ATP8B1: variants seen among roughly 807,000 people sequenced by gnomAD.
The protein encoded by ATP8B1 is ATPase phospholipid transporting 8B1.
In ATP8B1, 80 loss-of-function variants were observed where a neutral mutation model predicts 149.9. The ratio of observed to expected loss-of-function variants is 0.53; its 90% CI spans 0.45 to 0.64. The LOEUF (loss-of-function observed/expected upper bound fraction) is 0.64, where lower values mean the gene tolerates loss of function less well. Among genes scored for constraint, ATP8B1 ranks in the 30% least tolerant of loss-of-function variants. ATP8B1 has a pLI of 0.00. For synonymous variants in ATP8B1, 536 were observed against 562.8 expected, an observed-to-expected ratio of 0.95 and a Z score of 0.67; for missense variants, 1,247 against 1,552.6, an observed-to-expected ratio of 0.80 and a Z score of 3.31.
At chr18:57,703,173 C>T (rs1568203217) in intron 4 of ATP8B1, among the ~76,000 whole-genome samples, 1 of 152,154 alleles carries the variant, frequency 6.6e-6, no homozygotes, top group African/African-American at 2.4e-5. Flanking sequence ...CTCCACGCAT[C>T]CTCCATCCCC....
intron 1 of ATP8B1, among the ~76,000 whole-genome samples, chr18:57,741,641 C>T (rs1166487727): frequency 2.0e-5 from 3 of 152,172 alleles, no homozygotes; most frequent in South Asian, 4.1e-4. Flanking sequence ...ATAATAAATG[C>T]GTGTTGGTTT....
At position 57,706,499 on chromosome 18, in the gene ATP8B1, A is replaced by G. The variant is rs201291812; in HGVS notation, c.270T>C (p.Ser90=). The change falls in exon 3 of 28, where the codon AGT becomes AGC. Residue 90 remains serine (S), a synonymous_variant. Transcript: ENST00000648908. ...MNTKFLCIKE[S]KYANNAIKTY... is the part of the protein sequence containing the mutation. ...AAAGTTAACAACTCACCGCATATTT[A>G]CTCTCCTTAATACACAAGAATTTTG... The G allele has an allele frequency of 6.2e-6, 10 of 1,612,852 alleles. No individual in the cohort carries two copies. The highest frequency in any genetic ancestry group is 7.6e-6 in the Non-Finnish European group (9 of 1,179,184).
At chr18:57,677,558 TTCC>T (rs1911673658) in intron 15 of ATP8B1, among the ~76,000 whole-genome samples, 1 of 152,150 alleles carries the variant, frequency 6.6e-6, no homozygotes, top group Non-Finnish European at 1.5e-5. Context: ...CACACCTTCC[TTCC>T]TTCCTTCACA....
chr18:57,738,969 G>A (rs1324498616), intron 1 of ATP8B1, among the ~76,000 whole-genome samples: 1 of 151,950 alleles, frequency 6.6e-6, no homozygotes, highest in Non-Finnish European at 1.5e-5. Context: ...CATCAGATGG[G>A]GCCCTAATCC....
At chr18:57,738,169 A>C (rs755244711) in intron 1 of ATP8B1, 2 of 152,260 alleles carry the variant, frequency 1.3e-5, no homozygotes, top group Non-Finnish European at 2.9e-5. Context: ...TGGAAACTTC[A>C]TAATGTCTCT....
intron 23 of ATP8B1, among the ~76,000 whole-genome samples, chr18:57,654,599 G>A (rs1157136957): frequency 6.6e-6 from 1 of 152,048 alleles, no homozygotes; most frequent in Non-Finnish European, 1.5e-5. Context: ...GATTATAGGC[G>A]TGAGCCACTG....
chr18:57,771,881 A>G (rs573750151), intron 1 of ATP8B1, among the ~76,000 whole-genome samples: 61 of 152,314 alleles, frequency 4.0e-4, no homozygotes, highest in Non-Finnish European at 8.1e-4. Flanking sequence ...GGAAAAAACC[A>G]GTTAGCTCTG....
intron 1 of ATP8B1, among the ~76,000 whole-genome samples, chr18:57,778,216 CTTTTTCTTTTTCTTTT>C (rs964847625): frequency 7.7e-6 from 1 of 129,350 alleles, no homozygotes; most frequent in Non-Finnish European, 1.6e-5. Context: ...ATCTCAGTTT[CTTTTTCTTTTTCTTTT>C]TTTTTTTTTT....
At chr18:57,788,042 A>G (rs1264890308) in intron 1 of ATP8B1, among the ~76,000 whole-genome samples, 1 of 152,120 alleles carries the variant, frequency 6.6e-6, no homozygotes, top group African/African-American at 2.4e-5. Context: ...AAAACAAGAC[A>G]AACTGAATAC....
chr18:57,758,623 G>C (rs1476839262), intron 1 of ATP8B1, among the ~76,000 whole-genome samples: 1 of 143,718 alleles, frequency 7.0e-6, no homozygotes, highest in Non-Finnish European at 1.5e-5. Flanking sequence ...ACTCCAGCCT[G>C]GGCAACAAGA....
intron 16 of ATP8B1, 135 bp from the exon 17 acceptor site, chr18:57,671,715 C>G (rs180847583): frequency 3.7e-4 from 244 of 659,918 alleles, no homozygotes; most frequent in African/African-American, 3.7e-3. Context: ...CTCGACCCCC[C>G]AGGCTCAAGC....
At position 57,692,082 on chromosome 18, in the gene ATP8B1, A is replaced by G. The variant is rs11873034; in HGVS notation, c.1030-85T>C. The G allele has an allele frequency of 0.091, 139,762 of 1,541,050 alleles. 7,121 individuals are homozygous for G. The highest frequency in any genetic ancestry group is 0.13 in the Middle Eastern group (738 of 5,874). ...CCTAGATGCTAATTAACCTTACTCA[A>G]TACTTCATATGATTGAGAATTTAGT... On this transcript the variant is annotated intron_variant, in intron 11 of 27. Transcript: ENST00000648908.
intron 2 of ATP8B1, among the ~76,000 whole-genome samples, chr18:57,710,883 C>T (rs1913654603): frequency 1.3e-5 from 2 of 152,204 alleles, no homozygotes; most frequent in African/African-American, 4.8e-5. Context: ...GATCTGCCCA[C>T]CTCGGCCTCC....
At chr18:57,710,534 A>G (rs1459184159) in intron 2 of ATP8B1, among the ~76,000 whole-genome samples, 1 of 152,140 alleles carries the variant, frequency 6.6e-6, no homozygotes, top group Non-Finnish European at 1.5e-5. Flanking sequence ...TGGTTGGTAC[A>G]CACTGCAGCA....
chr18:57,790,413 T>G (rs2080452952), intron 1 of ATP8B1, among the ~76,000 whole-genome samples: 1 of 152,014 alleles, frequency 6.6e-6, no homozygotes, highest in South Asian at 2.1e-4. Context: ...AAAATGTTAG[T>G]GACTTCCTAT....
intron 20 of ATP8B1, among the ~76,000 whole-genome samples, chr18:57,665,419 CAA>C (rs1568185424): frequency 6.6e-6 from 1 of 152,002 alleles, no homozygotes; most frequent in African/African-American, 2.4e-5. Flanking sequence ...TTAAGACTTT[CAA>C]AAGAGAGACC....
chr18:57,781,374 T>G (rs1341426477), intron 1 of ATP8B1, among the ~76,000 whole-genome samples: 1 of 152,222 alleles, frequency 6.6e-6, no homozygotes, highest in Non-Finnish European at 1.5e-5. Flanking sequence ...TTGGCAACAC[T>G]GCAGAGTTGT....
chr18:57,744,046 G>T (rs1388008160), intron 1 of ATP8B1, among the ~76,000 whole-genome samples: 4 of 152,150 alleles, frequency 2.6e-5, no homozygotes, highest in African/African-American at 9.7e-5. Context: ...CGAACGCGGT[G>T]GCTCACACCT....
chr18:57,713,195 C>CT (rs1568207489), intron 2 of ATP8B1, among the ~76,000 whole-genome samples: 1 of 79,808 alleles, frequency 1.3e-5, no homozygotes, highest in African/African-American at 4.4e-5. Context: ...TTCTTTCTTT[C>CT]TTTCCTTCCT....
Sources: gnomAD v4.1 joint callset for allele counts (sites outside exome capture counted in the v4.1 genomes callset) on GRCh38, gnomAD v4.1.1 for gene constraint, MANE v1.5 for transcripts, NCBI Gene and HGNC (gene_info 2026-07-23, HGNC 2026-07-21) for gene names.